GPC5: variants seen among roughly 807,000 people sequenced by gnomAD.
The protein encoded by GPC5 is glypican 5, also known as glypican-5.
Under a neutral mutation model 53.9 loss-of-function variants are expected in GPC5, and 47 were observed. That is an observed-to-expected ratio of 0.87 (90% CI 0.69 to 1.11). The LOEUF (loss-of-function observed/expected upper bound fraction) is 1.11, where lower values mean the gene tolerates loss of function less well. Among genes scored for constraint, GPC5 ranks in the 50% most tolerant of loss-of-function variants. The probability of loss-of-function intolerance (pLI) is 0.00; values close to 1 mark genes in which losing one functional copy is unlikely to be tolerated. For synonymous variants in GPC5, 286 were observed against 263.3 expected, an observed-to-expected ratio of 1.09 and a Z score of -0.84; for missense variants, 748 against 713.1, an observed-to-expected ratio of 1.05 and a Z score of -0.56.
rs190493054 is a variant in GPC5, at chr13:91,431,315, G to T, written c.164-17446G>T. Among the ~76,000 whole-genome samples the T allele has an allele frequency of 4.6e-5, 7 of 152,232 alleles. No homozygotes were observed. The East Asian group carries it at 5.8e-4, about 13-fold the overall frequency. ...TCCCCATCCACGATTTCTACATCTG[G>T]TTTATTTGACTGGATTTTCCACTCT... On this transcript the variant is annotated intron_variant, in intron 1 of 7. Coordinates refer to ENST00000377067, the MANE Select transcript of GPC5 (RefSeq NM_004466.6).
At chr13:91,740,896 A>C (rs1218801023) in intron 4 of GPC5, among the ~76,000 whole-genome samples, 1 of 152,144 alleles carries the variant, frequency 6.6e-6, no homozygotes, top group Non-Finnish European at 1.5e-5. Context: ...GCTGTACATT[A>C]TTATTTCAAA....
chr13:92,525,130 C>T (rs1303618561), intron 7 of GPC5, among the ~76,000 whole-genome samples: 2 of 152,028 alleles, frequency 1.3e-5, no homozygotes, highest in Admixed American at 6.6e-5. Context: ...ATTGAGTCTG[C>T]ACAGTCTCTG....
intron 7 of GPC5, among the ~76,000 whole-genome samples, chr13:92,292,979 T>C (rs1056296492): frequency 2.0e-5 from 3 of 152,118 alleles, no homozygotes; most frequent in African/African-American, 7.2e-5. Flanking sequence ...TGGCTGTAAA[T>C]GTTTGGGTTT....
chr13:91,510,126 A>G (rs995520131), intron 2 of GPC5, among the ~76,000 whole-genome samples: 1 of 152,160 alleles, frequency 6.6e-6, no homozygotes, highest in African/African-American at 2.4e-5. Flanking sequence ...TTTCACAGCT[A>G]TAGAAAATTA....
intron 2 of GPC5, 103 bp from the exon 3 acceptor site, chr13:91,693,084 A>G: frequency 2.5e-6 from 2 of 813,182 alleles, no homozygotes; most frequent in Non-Finnish European, 1.9e-6. Context: ...TACAATTTAG[A>G]TACTTAGATT....
chr13:91,486,656 T>G (rs1475053145), intron 2 of GPC5: 2 of 152,168 alleles, frequency 1.3e-5, no homozygotes, highest in Non-Finnish European at 2.9e-5. Flanking sequence ...CTTGCTCAAT[T>G]AAGCTATCTT....
chr13:92,574,523 T>A (rs556439368), intron 7 of GPC5, among the ~76,000 whole-genome samples: 1 of 152,320 alleles, frequency 6.6e-6, no homozygotes, highest in Admixed American at 6.5e-5. Flanking sequence ...ATATTCATCA[T>A]TCTCTCTCAT....
At chr13:91,505,310 A>C (rs561251266) in intron 2 of GPC5, among the ~76,000 whole-genome samples, 1 of 152,340 alleles carries the variant, frequency 6.6e-6, no homozygotes, top group East Asian at 1.9e-4. Context: ...AAAAAAAGAA[A>C]GACTCCAGAA....
intron 3 of GPC5, among the ~76,000 whole-genome samples, chr13:91,710,614 A>G (rs1383763684): frequency 6.6e-6 from 1 of 152,178 alleles, no homozygotes; most frequent in Non-Finnish European, 1.5e-5. Context: ...TTAATTCAGG[A>G]ATGCAAACAT....
At chr13:92,460,271 T>A (rs1594219644) in intron 7 of GPC5, among the ~76,000 whole-genome samples, 2 of 152,290 alleles carry the variant, frequency 1.3e-5, no homozygotes, top group South Asian at 4.1e-4. Flanking sequence ...AAAACTAATA[T>A]GTGTTTTGTT....
intron 7 of GPC5, among the ~76,000 whole-genome samples, chr13:92,151,914 G>C (rs1211232410): frequency 6.6e-6 from 1 of 152,094 alleles, no homozygotes; most frequent in Non-Finnish European, 1.5e-5. Context: ...ATCTGGAAAA[G>C]CAACCAATAT....
At chr13:92,762,407 A>G (rs552565786) in intron 7 of GPC5, among the ~76,000 whole-genome samples, 1 of 152,278 alleles carries the variant, frequency 6.6e-6, no homozygotes, top group Admixed American at 6.5e-5. Context: ...TATAACATAC[A>G]TAAATGGTAA....
chr13:92,534,488 T>C (rs1374165044), intron 7 of GPC5, among the ~76,000 whole-genome samples: 1 of 152,314 alleles, frequency 6.6e-6, no homozygotes, highest in South Asian at 2.1e-4. Context: ...CTAGACAGCA[T>C]TTTTCAAACA....
At position 92,644,786 on chromosome 13, in the gene GPC5, T is replaced by C. The variant is rs1249390438; in HGVS notation, c.1562-221496T>C. On this transcript the variant is annotated intron_variant, in intron 7 of 7. Coordinates refer to ENST00000377067, the MANE Select transcript of GPC5 (RefSeq NM_004466.6). ...AGCTGAGCTAATGCAAAATGCTTTC[T>C]GTTACAATTAACATGGTGGAGAATT... 1.2e-4 allele frequency among the ~76,000 whole-genome samples: 18 copies of C among 152,248 alleles called. No individual in the cohort carries two copies. In the East Asian group the frequency reaches 1.7e-3, roughly 15 times the overall value.
chr13:91,787,469 A>C (rs1358072096), intron 5 of GPC5, among the ~76,000 whole-genome samples: 1 of 152,130 alleles, frequency 6.6e-6, no homozygotes, highest in African/African-American at 2.4e-5. Flanking sequence ...AATTACATTG[A>C]TTGGTTTATG....
intron 7 of GPC5, among the ~76,000 whole-genome samples, chr13:92,517,122 G>A (rs1200165986): frequency 1.3e-5 from 2 of 152,128 alleles, no homozygotes; most frequent in Non-Finnish European, 2.9e-5. Context: ...GCGGCAGTGA[G>A]GCTGGGGGAG....
chr13:92,781,526 G>A (rs1045367127), intron 7 of GPC5, among the ~76,000 whole-genome samples: 4 of 151,902 alleles, frequency 2.6e-5, no homozygotes, highest in African/African-American at 9.7e-5. Flanking sequence ...AGATAATATG[G>A]GGGAGCTACT....
intron 7 of GPC5, among the ~76,000 whole-genome samples, chr13:92,204,627 A>T (rs2042319758): frequency 6.6e-6 from 1 of 152,226 alleles, no homozygotes; most frequent in African/African-American, 2.4e-5. Context: ...AGAAAAACTT[A>T]CAGAACTCAC....
At chr13:92,074,867 T>C (rs2041240276) in intron 6 of GPC5, among the ~76,000 whole-genome samples, 1 of 152,218 alleles carries the variant, frequency 6.6e-6, no homozygotes, top group Non-Finnish European at 1.5e-5. Flanking sequence ...CATCTGCTGG[T>C]GCAGCAGCAA....
Sources: gnomAD v4.1 joint callset for allele counts (sites outside exome capture counted in the v4.1 genomes callset) on GRCh38, gnomAD v4.1.1 for gene constraint, MANE v1.5 for transcripts, NCBI Gene and HGNC (gene_info 2026-07-23, HGNC 2026-07-21) for gene names.